Variants in RIMS2 observed in about 807,000 individuals in gnomAD.
The protein encoded by RIMS2 is regulating synaptic membrane exocytosis 2.
In RIMS2, 59 loss-of-function variants were observed where a neutral mutation model predicts 174.4. The ratio of observed to expected loss-of-function variants is 0.34; its 90% CI spans 0.27 to 0.42. The LOEUF (loss-of-function observed/expected upper bound fraction) is 0.42, where lower values mean the gene tolerates loss of function less well. Among genes scored for constraint, RIMS2 ranks in the 10% least tolerant of loss-of-function variants. The probability of loss-of-function intolerance (pLI) is 1.00; values close to 1 mark genes in which losing one functional copy is unlikely to be tolerated. For missense variants in RIMS2, 1,620 were observed against 1,666.3 expected (o/e 0.97, Z 0.48); for synonymous variants, 606 against 572.5 (o/e 1.06, Z -0.84).
intron 1 of RIMS2, among the ~76,000 whole-genome samples, chr8:103,545,386 C>G (rs932193966): frequency 1.3e-5 from 2 of 151,922 alleles, no homozygotes; most frequent in Middle Eastern, 3.2e-3. Flanking sequence ...GTATAGAGAC[C>G]AAATCTACAA....
chr8:103,868,943 A>C (rs2099096652), intron 3 of RIMS2, among the ~76,000 whole-genome samples: 1 of 152,198 alleles, frequency 6.6e-6, no homozygotes, highest in South Asian at 2.1e-4. Context: ...CAAATACTTT[A>C]TACCAAAATT....
chr8:103,545,443 A>G (rs1844561027), intron 1 of RIMS2, among the ~76,000 whole-genome samples: 1 of 152,238 alleles, frequency 6.6e-6, no homozygotes, highest in African/African-American at 2.4e-5. Flanking sequence ...AGCAACTTGG[A>G]AAACATATTT....
intron 19 of RIMS2, among the ~76,000 whole-genome samples, chr8:104,228,013 G>A (rs921922962): frequency 1.8e-4 from 27 of 150,284 alleles, no homozygotes; most frequent in African/African-American, 6.6e-4. Flanking sequence ...CACTCTTTGT[G>A]TGTTTCTTTT....
intron 19 of RIMS2, among the ~76,000 whole-genome samples, chr8:104,110,179 T>A (rs1464277768): frequency 3.3e-5 from 5 of 152,168 alleles, no homozygotes; most frequent in Admixed American, 2.0e-4. Flanking sequence ...GATGGAAAAC[T>A]GATGTTATAA....
intron 3 of RIMS2, among the ~76,000 whole-genome samples, chr8:103,790,616 A>G (rs1256261998): frequency 2.0e-5 from 3 of 152,128 alleles, no homozygotes; most frequent in Non-Finnish European, 4.4e-5. Flanking sequence ...TTTTTATTAT[A>G]ATCATTCCAG....
chr8:104,086,003 T>TAAC (rs1296159291), intron 19 of RIMS2, among the ~76,000 whole-genome samples: 2 of 152,154 alleles, frequency 1.3e-5, no homozygotes, highest in African/African-American at 4.8e-5. Context: ...AGACAATGGA[T>TAAC]TATATGATCC....
At chr8:103,992,616 A>G (rs1044903979) in intron 17 of RIMS2, among the ~76,000 whole-genome samples, 6 of 152,160 alleles carry the variant, frequency 3.9e-5, no homozygotes, top group African/African-American at 1.4e-4. Flanking sequence ...TGGGTGGTGT[A>G]AGGAGAAGAT....
At chr8:104,064,470 A>G (rs963158445) in intron 19 of RIMS2, among the ~76,000 whole-genome samples, 3 of 152,034 alleles carry the variant, frequency 2.0e-5, no homozygotes, top group African/African-American at 7.2e-5. Context: ...TAATTTAAGG[A>G]AGGGGATTAT....
chr8:103,730,914 A>T (rs950221074), intron 2 of RIMS2, among the ~76,000 whole-genome samples: 2 of 152,224 alleles, frequency 1.3e-5, no homozygotes, highest in African/African-American at 4.8e-5. Context: ...TAAAGGAAAG[A>T]GGTTTAATTG....
chr8:104,098,947 A>C (rs905014965), intron 19 of RIMS2, among the ~76,000 whole-genome samples: 1 of 152,202 alleles, frequency 6.6e-6, no homozygotes, highest in Non-Finnish European at 1.5e-5. Context: ...CAGCATTGTC[A>C]TCCTGACTGT....
chr8:103,837,558 G>T (rs2098907028), intron 3 of RIMS2, among the ~76,000 whole-genome samples: 1 of 152,116 alleles, frequency 6.6e-6, no homozygotes, highest in African/African-American at 2.4e-5. Flanking sequence ...TCCCCTTCCT[G>T]TGTCCATGTG....
chr8:104,032,482 C>T (rs2096416613), intron 19 of RIMS2, among the ~76,000 whole-genome samples: 1 of 151,886 alleles, frequency 6.6e-6, no homozygotes, highest in Non-Finnish European at 1.5e-5. Context: ...ATAAATAACT[C>T]CCACAAGCTT....
chr8:104,214,751 T>G (rs77491201), intron 19 of RIMS2, among the ~76,000 whole-genome samples: 1 of 152,192 alleles, frequency 6.6e-6, no homozygotes, highest in Non-Finnish European at 1.5e-5. Context: ...GAGAGACATC[T>G]TTAACAGAGT....
At chr8:104,026,255 A>G (rs2096255028) in intron 19 of RIMS2, among the ~76,000 whole-genome samples, 1 of 152,212 alleles carries the variant, frequency 6.6e-6, no homozygotes, top group African/African-American at 2.4e-5. Context: ...TCAATATGCA[A>G]ATTTTAGGAT....
intron 19 of RIMS2, among the ~76,000 whole-genome samples, chr8:104,139,183 T>C (rs923706909): frequency 6.6e-6 from 1 of 152,194 alleles, no homozygotes; most frequent in Non-Finnish European, 1.5e-5. Context: ...GTAGTATAAT[T>C]TGAAGTCAGA....
rs2095230394 is a variant in RIMS2, at chr8:103,998,300, G to A, written c.3044+8879G>A. 11 of 1,211,140 alleles carry A rather than the reference G, an allele frequency of 9.1e-6. No homozygotes were observed. The East Asian group carries it at 2.4e-4, about 26-fold the overall frequency. The allele number at this position is 1,211,140 out of a possible 1,614,324, so 75.0% of individuals were successfully genotyped here. A position where few individuals can be genotyped will look rare whatever the true frequency, so the allele number is the denominator to read the frequency against. ...TGTTTGTGGAATTGCTTGTGCCTGT[G>A]TATTGATATGATATAGTTCACTTTT... On this transcript the variant is annotated intron_variant, in intron 17 of 23. Coordinates refer to ENST00000504942, the Ensembl canonical transcript of RIMS2.
intron 19 of RIMS2, among the ~76,000 whole-genome samples, chr8:104,078,778 A>C (rs950398528): frequency 2.6e-5 from 4 of 152,044 alleles, no homozygotes; most frequent in Non-Finnish European, 5.9e-5. Flanking sequence ...TGAACTTTTT[A>C]TTTCTTTTTT....
chr8:103,807,770 A>G (rs1021986523), intron 3 of RIMS2, among the ~76,000 whole-genome samples: 1 of 152,060 alleles, frequency 6.6e-6, no homozygotes. Flanking sequence ...GATCTTGTTT[A>G]TATTATATTT....
At chr8:104,250,221 G>A (rs2099354565) in intron 22 of RIMS2, among the ~76,000 whole-genome samples, 1 of 152,120 alleles carries the variant, frequency 6.6e-6, no homozygotes, top group Non-Finnish European at 1.5e-5. Flanking sequence ...AATTTCTGAG[G>A]ATTCTGAAAC....
Sources: gnomAD v4.1 joint callset for allele counts (sites outside exome capture counted in the v4.1 genomes callset) on GRCh38, gnomAD v4.1.1 for gene constraint, MANE v1.5 for transcripts, NCBI Gene and HGNC (gene_info 2026-07-23, HGNC 2026-07-21) for gene names.